Variants in KIAA0319L observed in about 807,000 individuals in gnomAD.
The protein encoded by KIAA0319L is dyslexia-associated protein KIAA0319-like protein.
KIAA0319L carries 55 observed loss-of-function variants against 120.1 expected under a neutral mutation model. The observed-to-expected ratio is 0.46, with a 90% confidence interval of 0.37 to 0.57. KIAA0319L has a LOEUF of 0.57. Ranked by LOEUF, KIAA0319L falls within the 20% of genes least tolerant of loss-of-function variation. The probability of loss-of-function intolerance (pLI) is 0.00; values close to 1 mark genes in which losing one functional copy is unlikely to be tolerated. For missense variants in KIAA0319L, 1,049 were observed against 1,255.3 expected (o/e 0.84, Z 2.48); for synonymous variants, 398 against 471.9 (o/e 0.84, Z 2.03).
At chr1:35,449,772 G>T in intron 15 of KIAA0319L, 95 bp downstream of exon 15, 1 of 1,352,510 alleles carries the variant, frequency 7.4e-7, no homozygotes, top group Non-Finnish European at 1.0e-6. Flanking sequence ...CATGCCATCT[G>T]GCTCTGTCCA....
intron 2 of KIAA0319L, among the ~76,000 whole-genome samples, chr1:35,519,804 G>A (rs1042924080): frequency 1.6e-4 from 25 of 152,190 alleles, no homozygotes; most frequent in African/African-American, 5.8e-4. Context: ...GAGGAGATAC[G>A]TTTCAGATTC....
chr1:35,450,342 C>T lies in KIAA0319L; in HGVS notation c.2214+16G>A, dbSNP rs757682097. On this transcript the variant is annotated intron_variant, in intron 14 of 20. Transcript: ENST00000325722. The stretch of plus-strand genomic sequence containing the variant: ...TCCCCACTCCTGTGTAGCTCTCCAG[C>T]TCCTAGCACACTTACCCCTGCTGCT... 6.2e-7 allele frequency: 1 copy of T among 1,609,436 alleles called. No homozygotes were observed. The highest frequency in any genetic ancestry group is 8.5e-7 in the Non-Finnish European group (1 of 1,177,310).
intron 2 of KIAA0319L, among the ~76,000 whole-genome samples, chr1:35,512,373 C>G (rs189171873): frequency 5.7e-5 from 8 of 141,552 alleles, no homozygotes; most frequent in Admixed American, 5.6e-4. Context: ...ATCATAAAAT[C>G]TGGGGAAAAA....
chr1:35,533,055 T>G (rs1218558525), intron 2 of KIAA0319L: 5 of 152,132 alleles, frequency 3.3e-5, no homozygotes, highest in African/African-American at 1.2e-4. Flanking sequence ...AGTAGCAGAG[T>G]GGAAAAGTCT....
intron 20 of KIAA0319L, among the ~76,000 whole-genome samples, chr1:35,436,966 T>G (rs74731294): frequency 2.6e-5 from 4 of 152,322 alleles, no homozygotes; most frequent in South Asian, 2.1e-4. Flanking sequence ...CTAGTGACTC[T>G]ACTCTAGGCT....
At chr1:35,549,962 A>C (rs1647137858) in intron 2 of KIAA0319L, among the ~76,000 whole-genome samples, 1 of 152,252 alleles carries the variant, frequency 6.6e-6, no homozygotes, top group Admixed American at 6.5e-5. Context: ...CTATTGTAGG[A>C]ATTTCCAAAA....
chr1:35,443,984 C>T, intron 17 of KIAA0319L, 177 bp downstream of exon 17: 1 of 510,038 alleles, frequency 2.0e-6, no homozygotes, highest in Non-Finnish European at 3.2e-6. Context: ...CCCATGGGCC[C>T]CAAGTTAAGA....
intron 10 of KIAA0319L, 163 bp from the exon 11 acceptor site, chr1:35,454,648 T>C: frequency 7.1e-7 from 1 of 1,410,520 alleles, no homozygotes; most frequent in Non-Finnish European, 9.3e-7. Flanking sequence ...GAGTCAGATA[T>C]CATGAGGCAC....
chr1:35,508,596 TA>T (rs889911191), intron 2 of KIAA0319L, among the ~76,000 whole-genome samples: 1 of 149,234 alleles, frequency 6.7e-6, no homozygotes, highest in Non-Finnish European at 1.5e-5. Flanking sequence ...AGAACTCCCT[TA>T]AAAAAAAAGA....
At chr1:35,504,503 T>C (rs1229338074) in intron 3 of KIAA0319L, among the ~76,000 whole-genome samples, 1 of 152,240 alleles carries the variant, frequency 6.6e-6, no homozygotes, top group Non-Finnish European at 1.5e-5. Flanking sequence ...GCCAATTTTC[T>C]TAACATTTTA....
intron 2 of KIAA0319L, among the ~76,000 whole-genome samples, chr1:35,549,628 G>C (rs552277688): frequency 4.9e-4 from 75 of 152,162 alleles, no homozygotes; most frequent in Non-Finnish European, 7.8e-4. Flanking sequence ...GGGCCAATTA[G>C]GTCCTTGCAT....
chr1:35,459,329 A>G (rs768189876), intron 9 of KIAA0319L, among the ~76,000 whole-genome samples: 8 of 152,196 alleles, frequency 5.3e-5, no homozygotes, highest in Non-Finnish European at 1.0e-4. Flanking sequence ...ATTTAGGGCC[A>G]GGCACGGTGG....
At chr1:35,489,985 G>A (rs1329605819) in intron 3 of KIAA0319L, among the ~76,000 whole-genome samples, 1 of 152,026 alleles carries the variant, frequency 6.6e-6, no homozygotes, top group Non-Finnish European at 1.5e-5. Flanking sequence ...TTCTGAGACA[G>A]GGTCTCACTC....
chr1:35,515,260 T>G (rs1645632211), intron 2 of KIAA0319L, among the ~76,000 whole-genome samples: 1 of 148,204 alleles, frequency 6.7e-6, no homozygotes, highest in African/African-American at 2.5e-5. Context: ...TGTAGTGAGC[T>G]GAGATCGTGC....
intron 5 of KIAA0319L, among the ~76,000 whole-genome samples, chr1:35,471,264 T>C (rs554368760): frequency 6.6e-6 from 1 of 152,332 alleles, no homozygotes; most frequent in South Asian, 2.1e-4. Flanking sequence ...GGCATACCAC[T>C]GAAAATACAT....
At chr1:35,475,657 C>G (rs190958018) in intron 4 of KIAA0319L, among the ~76,000 whole-genome samples, 127 of 152,118 alleles carry the variant, frequency 8.3e-4, no homozygotes, top group East Asian at 5.8e-4. Flanking sequence ...TCCCAAGAAT[C>G]TTATTTTATC....
chr1:35,438,486 CA>C (rs1553187403), intron 20 of KIAA0319L: 1 of 151,882 alleles, frequency 6.6e-6, no homozygotes, highest in Non-Finnish European at 1.5e-5. Flanking sequence ...CTTTCCCCTC[CA>C]ACCCCTGCAT....
chr1:35,534,621 A>G (rs556966002), intron 2 of KIAA0319L, among the ~76,000 whole-genome samples: 4 of 152,288 alleles, frequency 2.6e-5, no homozygotes, highest in African/African-American at 9.6e-5. Flanking sequence ...GCACTTTGGA[A>G]GGCCGAGGCA....
At chr1:35,443,072 AG>A (rs1229315575) in intron 17 of KIAA0319L, 44 bp from the exon 18 acceptor site, 1 of 1,612,962 alleles carries the variant, frequency 6.2e-7, no homozygotes, top group African/African-American at 1.3e-5. Flanking sequence ...AGACTCAGCC[AG>A]GGGTGACAAG....
Sources: allele counts gnomAD v4.1 joint callset (sites outside exome capture counted in the v4.1 genomes callset), GRCh38; gene constraint gnomAD v4.1.1; transcripts MANE v1.5; gene names NCBI Gene and HGNC (gene_info 2026-07-23, HGNC 2026-07-21).